Variants in PLOD2 observed in about 807,000 individuals in gnomAD.
The protein encoded by PLOD2 is lysine hydroxylase 2.
A neutral mutation model predicts 101.0 loss-of-function variants in PLOD2; 65 were observed. That is an observed-to-expected ratio of 0.64 (90% confidence interval 0.53 to 0.79). PLOD2 has a LOEUF of 0.79. PLOD2 is among the 30% of genes least tolerant of loss of function. The probability of loss-of-function intolerance (pLI) is 0.00; values close to 1 mark genes in which losing one functional copy is unlikely to be tolerated. For synonymous variants in PLOD2, 314 were observed against 302.9 expected, an observed-to-expected ratio of 1.04 and a Z score of -0.38; for missense variants, 909 against 914.6, an observed-to-expected ratio of 0.99 and a Z score of 0.08.
At chr3:146,114,864 C>G (rs904568909) in intron 3 of PLOD2, among the ~76,000 whole-genome samples, 1 of 152,280 alleles carries the variant, frequency 6.6e-6, no homozygotes, top group East Asian at 1.9e-4. Context: ...AGAGACGCAT[C>G]AATCCCAACT....
intron 9 of PLOD2, 71 bp from the exon 10 acceptor site, chr3:146,086,979 A>G: frequency 1.2e-6 from 1 of 860,296 alleles, no homozygotes; most frequent in Non-Finnish European, 1.8e-6. Flanking sequence ...CATATTAGAG[A>G]GTGCTTCACA....
chr3:146,085,508 A>G lies in PLOD2; in HGVS notation c.1128-235T>C, dbSNP rs1936735694. 5.6e-6 allele frequency: 3 copies of G among 531,930 alleles called. No homozygotes were observed. In the East Asian group the frequency reaches 9.1e-5, roughly 16 times the overall value. 33.0% of individuals were successfully genotyped at this position (531,930 alleles called of 1,614,324 possible). ...TCTAAAATTTTAAGCCAGTTAAAAT[A>G]TATTTTCAAGCCAGTAAATATTTTA... On this transcript the variant is annotated intron_variant, in intron 10 of 19. Transcript: ENST00000282903.
chr3:146,115,558 A>C (rs536320279), intron 3 of PLOD2, among the ~76,000 whole-genome samples: 2 of 152,074 alleles, frequency 1.3e-5, no homozygotes, highest in African/African-American at 4.8e-5. Flanking sequence ...CCATCTACTT[A>C]ATTTATTTTG....
At chr3:146,152,151 G>C (rs1576631721) in intron 1 of PLOD2, among the ~76,000 whole-genome samples, 1 of 152,192 alleles carries the variant, frequency 6.6e-6, no homozygotes, top group African/African-American at 2.4e-5. Context: ...AGGTGCAGTG[G>C]CTCATGCCTG....
At chr3:146,118,635 A>G (rs1309471061) in intron 3 of PLOD2, among the ~76,000 whole-genome samples, 1 of 152,188 alleles carries the variant, frequency 6.6e-6, no homozygotes, top group Non-Finnish European at 1.5e-5. Context: ...AAATAAAGGA[A>G]GTAGTAACTA....
At chr3:146,089,601 C>A (rs1936905542) in intron 8 of PLOD2, among the ~76,000 whole-genome samples, 1 of 151,346 alleles carries the variant, frequency 6.6e-6, no homozygotes, top group African/African-American at 2.4e-5. Flanking sequence ...TAGCAACCTT[C>A]TTCCATTTTT....
At chr3:146,093,851 T>C (rs564653845) in intron 7 of PLOD2, among the ~76,000 whole-genome samples, 1 of 152,316 alleles carries the variant, frequency 6.6e-6, no homozygotes, top group East Asian at 1.9e-4. Context: ...AGACAGCACT[T>C]TTAGTTTTCG....
intron 1 of PLOD2, among the ~76,000 whole-genome samples, chr3:146,154,639 A>AT (rs2032218585): frequency 6.6e-6 from 1 of 152,252 alleles, no homozygotes; most frequent in South Asian, 2.1e-4. Context: ...AACATGAAGC[A>AT]TATTTCCACA....
intron 3 of PLOD2, among the ~76,000 whole-genome samples, chr3:146,116,651 C>T (rs1440995280): frequency 6.6e-6 from 1 of 152,000 alleles, no homozygotes; most frequent in Admixed American, 6.6e-5. Flanking sequence ...GAATATTATT[C>T]ACCCATAAAA....
rs1319532674 is a variant in PLOD2, at chr3:146,096,880, TG to T, written c.778-4980del. Reference sequence around the variant, plus strand: ...CCAGCTGCCCCGTCCGGGAGGGAGGTGGGGGGGGGGAGTCGGCCAGCCGCCC... The same window carrying T: ...CCAGCTGCCCCGTCCGGGAGGGAGGTGGGGGGGGGAGTCGGCCAGCCGCCC... On this transcript the variant is annotated intron_variant, in intron 7 of 19. Transcript: ENST00000282903. Among the ~76,000 whole-genome samples the T allele has an allele frequency of 2.0e-4, 13 of 63,574 alleles. 1 individual carries two copies. Among genetic ancestry groups the T allele is most frequent in the South Asian group, 6.6e-4 (1 of 1,518 alleles). The allele number at this position is 63,574 out of a possible 152,430, so 41.7% of individuals were successfully genotyped here. A position where few individuals can be genotyped will look rare whatever the true frequency, so the allele number is the denominator to read the frequency against.
intron 1 of PLOD2, among the ~76,000 whole-genome samples, chr3:146,127,515 A>C (rs1559863381): frequency 6.6e-6 from 1 of 151,806 alleles, no homozygotes. Context: ...ATTTTTTTTT[A>C]ATAGCTGTGT....
At chr3:146,148,626 A>G (rs1435089960) in intron 1 of PLOD2, among the ~76,000 whole-genome samples, 1 of 152,170 alleles carries the variant, frequency 6.6e-6, no homozygotes, top group Non-Finnish European at 1.5e-5. Context: ...TTTGTAATAC[A>G]CTTAATCATA....
At chr3:146,138,526 T>C (rs1040249342) in intron 1 of PLOD2, among the ~76,000 whole-genome samples, 1 of 151,840 alleles carries the variant, frequency 6.6e-6, no homozygotes, top group East Asian at 1.9e-4. Context: ...ATCTTTCCAG[T>C]AAAAGGAAAC....
At chr3:146,110,210 A>G (rs1937603392) in intron 4 of PLOD2, 75 bp downstream of exon 4, 7 of 1,241,936 alleles carry the variant, frequency 5.6e-6, no homozygotes, top group Non-Finnish European at 8.3e-6. Context: ...ATCTAAAGTT[A>G]CTACATCTAC....
intron 11 of PLOD2, among the ~76,000 whole-genome samples, chr3:146,084,678 T>C (rs777811412): frequency 2.6e-5 from 4 of 152,094 alleles, no homozygotes; most frequent in Non-Finnish European, 5.9e-5. Context: ...CCCATTTCAA[T>C]TGAGTTAAAT....
intron 7 of PLOD2, among the ~76,000 whole-genome samples, chr3:146,096,925 C>T (rs1461098381): frequency 2.3e-5 from 3 of 129,124 alleles, no homozygotes; most frequent in East Asian, 2.4e-4. Flanking sequence ...AGGTGAGGGG[C>T]GCCTCTGCCC....
chr3:146,081,929 C>T (rs970134374), intron 11 of PLOD2, 66 bp from the exon 12 acceptor site: 2 of 1,432,340 alleles, frequency 1.4e-6, no homozygotes, highest in Admixed American at 2.0e-5. Context: ...TAAATTACCA[C>T]AGAATTATGT....
intron 1 of PLOD2, among the ~76,000 whole-genome samples, chr3:146,146,180 C>T (rs2031766950): frequency 6.6e-6 from 1 of 151,972 alleles, no homozygotes; most frequent in Non-Finnish European, 1.5e-5. Flanking sequence ...AATGCTAAGC[C>T]CTTACTTGGG....
chr3:146,133,592 C>T (rs1257761543), intron 1 of PLOD2, among the ~76,000 whole-genome samples: 1 of 152,156 alleles, frequency 6.6e-6, no homozygotes, highest in Admixed American at 6.5e-5. Context: ...TGCTCCTCCA[C>T]ATGTATGCCA....
Sources: gnomAD v4.1 joint callset for allele counts (sites outside exome capture counted in the v4.1 genomes callset) on GRCh38, gnomAD v4.1.1 for gene constraint, MANE v1.5 for transcripts, NCBI Gene and HGNC (gene_info 2026-07-23, HGNC 2026-07-21) for gene names.